Variants in PHEX observed in about 807,000 individuals in gnomAD.
The protein encoded by PHEX is phosphate-regulating neutral endopeptidase PHEX.
Under a neutral mutation model 68.0 loss-of-function variants are expected in PHEX, and 16 were observed. That is an observed-to-expected ratio of 0.24 (90% CI 0.16 to 0.36). PHEX has a LOEUF of 0.36. Among genes scored for constraint, PHEX ranks in the 10% least tolerant of loss-of-function variants. The pLI is 1.00. For missense variants in PHEX, 480 were observed against 575.5 expected (o/e 0.83, Z 1.70); for synonymous variants, 208 against 205.1 (o/e 1.01, Z -0.12).
intron 13 of PHEX, 113 bp downstream of exon 13, chrX:22,168,502 C>A: frequency 1.9e-6 from 1 of 532,795 alleles, no homozygotes; most frequent in Admixed American, 2.6e-5. Context: ...AAAACACCAA[C>A]TTTTGATTAA....
intron 15 of PHEX, among the ~76,000 whole-genome samples, chrX:22,194,276 A>C (rs749443105): frequency 1.2e-4 from 13 of 112,114 alleles, no homozygotes; most frequent in Non-Finnish European, 2.1e-4. Flanking sequence ...CTCTCATTGT[A>C]AATTACATTC....
chrX:22,139,286 G>A (rs1039075024), intron 12 of PHEX, among the ~76,000 whole-genome samples: 15 of 111,474 alleles, frequency 1.3e-4, no homozygotes, highest in African/African-American at 4.9e-4. Flanking sequence ...GGGAGGGGAG[G>A]CTTTGGCTGG....
intron 3 of PHEX, among the ~76,000 whole-genome samples, chrX:22,072,640 C>T (rs958514631): frequency 1.8e-5 from 2 of 111,899 alleles, no homozygotes; most frequent in African/African-American, 6.5e-5. Flanking sequence ...GAAAGCACTT[C>T]TACAAATCAA....
intron 5 of PHEX, 59 bp downstream of exon 5, chrX:22,077,761 C>T: frequency 2.3e-6 from 2 of 859,273 alleles, no homozygotes; most frequent in East Asian, 3.1e-5. Context: ...TTTGGGGTGC[C>T]ATCCTGGGGA....
In PHEX at chrX:22,224,493, C is replaced by T. The variant is rs145033444; in HGVS notation, c.1900-1950C>T. On this transcript the variant is annotated intron_variant, in intron 18 of 21. Transcript: ENST00000379374. ...TGGAAGGTGGGTTATAACCTCCCAG[C>T]GGTCTCCAGATGAGGTGACTCCCAT... Among the ~76,000 whole-genome samples, 1,123 of 111,507 alleles carry T rather than the reference C, an allele frequency of 0.01. 53 individuals are homozygous for T. In the East Asian group the frequency reaches 0.2, roughly 20 times the overall value.
At chrX:22,199,531 A>AGCT (rs1199658560) in intron 15 of PHEX, among the ~76,000 whole-genome samples, 7 of 111,606 alleles carry the variant, frequency 6.3e-5, no homozygotes, top group African/African-American at 2.3e-4. Context: ...CTTGCTGTCC[A>AGCT]GCTCTGTGCC....
chrX:22,160,376 C>G (rs1345535776), intron 12 of PHEX, among the ~76,000 whole-genome samples: 2 of 109,654 alleles, frequency 1.8e-5, no homozygotes, highest in Non-Finnish European at 3.8e-5. Flanking sequence ...TGGTAAAACC[C>G]CATCTCCACT....
chrX:22,045,298 T>C lies in PHEX; in HGVS notation c.188-1752T>C. ...CATTCATATTTAGCTGAAATCTCTT[T>C]GGGTTTTCATTACTTCAAACAAAAA... On this transcript the variant is annotated intron_variant, in intron 2 of 21. Transcript: ENST00000379374. 2.7e-5 allele frequency among the ~76,000 whole-genome samples: 3 copies of C among 111,851 alleles called. No individual in the cohort carries two copies. The Admixed American group carries it at 2.9e-4, about 11-fold the overall frequency.
At chrX:22,076,343 C>T (rs1929148905) in intron 3 of PHEX, 45 bp from the exon 4 acceptor site, 4 of 945,934 alleles carry the variant, frequency 4.2e-6, no homozygotes, top group Non-Finnish European at 6.1e-6. Flanking sequence ...CAACTTGGCA[C>T]CATATGTGGG....
At chrX:22,229,440 G>A (rs763584067) in intron 20 of PHEX, among the ~76,000 whole-genome samples, 1 of 112,132 alleles carries the variant, frequency 8.9e-6, no homozygotes, top group East Asian at 2.8e-4. Flanking sequence ...CATTCTAACA[G>A]GCATGAGATG....
intron 12 of PHEX, among the ~76,000 whole-genome samples, chrX:22,159,912 A>T (rs1933062118): frequency 8.9e-6 from 1 of 112,332 alleles, no homozygotes; most frequent in African/African-American, 3.2e-5. Flanking sequence ...GAACAGAGAG[A>T]TTCAGAAAAT....
chrX:22,168,390 G>GT lies in PHEX; in HGVS notation c.1482+2dup, dbSNP rs770427347. The GT allele has an allele frequency of 1.8e-6, 2 of 1,140,678 alleles. No individual in the cohort carries two copies. Among genetic ancestry groups the GT allele is most frequent in the East Asian group, 3.0e-5 (1 of 33,508 alleles). 94.0% of individuals were successfully genotyped at this position (1,140,678 alleles called of 1,213,427 possible). ...TCATGTTAATGAAGACCTCAAAGCTGTAAGTGCTAAATTTACTGTACTTTT... is the reference window on the plus strand; with the variant it reads ...TCATGTTAATGAAGACCTCAAAGCTGTTAAGTGCTAAATTTACTGTACTTTT... On this transcript the variant is annotated splice_donor_variant, in intron 13 of 21. Transcript: ENST00000379374. LOFTEE classifies it high-confidence loss of function.
intron 5 of PHEX, among the ~76,000 whole-genome samples, chrX:22,083,964 A>G (rs938602362): frequency 6.3e-5 from 7 of 111,886 alleles, no homozygotes; most frequent in Non-Finnish European, 1.1e-4. Flanking sequence ...GATGTTGGTT[A>G]TGTGTTTGTC....
At chrX:22,169,676 G>A (rs1008182493) in intron 13 of PHEX, 1 of 112,094 alleles carries the variant, frequency 8.9e-6, no homozygotes, top group African/African-American at 3.3e-5. Context: ...GACTTGGTGG[G>A]GGCAGTGTGA....
chrX:22,066,415 C>G (rs762639854), intron 3 of PHEX, among the ~76,000 whole-genome samples: 2 of 112,286 alleles, frequency 1.8e-5, no homozygotes, highest in Non-Finnish European at 3.8e-5. Flanking sequence ...CATGAAAGAT[C>G]ATTGCTTCTT....
At chrX:22,074,138 G>A (rs1929039393) in intron 3 of PHEX, among the ~76,000 whole-genome samples, 1 of 110,654 alleles carries the variant, frequency 9.0e-6, no homozygotes, top group Non-Finnish European at 1.9e-5. Context: ...TGGTACGCAG[G>A]CTTTGTTTTC....
At chrX:22,242,920 A>G (rs1252644646) in intron 20 of PHEX, among the ~76,000 whole-genome samples, 1 of 112,139 alleles carries the variant, frequency 8.9e-6, no homozygotes, top group Non-Finnish European at 1.9e-5. Flanking sequence ...ACAGAATTGG[A>G]AAAAACTTAC....
chrX:22,081,497 C>G (rs12010168), intron 5 of PHEX, among the ~76,000 whole-genome samples: 6,598 of 111,712 alleles, frequency 0.059, 272 homozygotes, highest in African/African-American at 0.14. Flanking sequence ...CAATTTTCTT[C>G]GGTGTGCTTA....
At chrX:22,104,851 C>T (rs762168059) in intron 9 of PHEX, among the ~76,000 whole-genome samples, 56 of 108,865 alleles carry the variant, frequency 5.1e-4, no homozygotes, top group Non-Finnish European at 8.9e-4. Flanking sequence ...AGATCATCTG[C>T]GCCAGGACTG....
Sources: gnomAD v4.1 joint callset for allele counts (sites outside exome capture counted in the v4.1 genomes callset) on GRCh38, gnomAD v4.1.1 for gene constraint, MANE v1.5 for transcripts, NCBI Gene and HGNC (gene_info 2026-07-23, HGNC 2026-07-21) for gene names.